DLGAP2: variants seen among roughly 807,000 people sequenced by gnomAD.
DLGAP2 encodes disks large-associated protein 2.
A neutral mutation model predicts 100.3 loss-of-function variants in DLGAP2; 26 were observed. The observed-to-expected ratio is 0.26, with a 90% CI of 0.19 to 0.36. The LOEUF (loss-of-function observed/expected upper bound fraction) is 0.36, where lower values mean the gene tolerates loss of function less well. DLGAP2 is among the 10% of genes least tolerant of loss of function. The pLI, the probability that DLGAP2 is intolerant of heterozygous loss-of-function variation, is 1.00. For missense variants in DLGAP2, 1,858 were observed against 1,453.2 expected (o/e 1.28, Z -4.53); for synonymous variants, 886 against 630.1 (o/e 1.41, Z -6.08).
chr8:1,311,981 T>C (rs1354371757), intron 3 of DLGAP2, among the ~76,000 whole-genome samples: 2 of 152,212 alleles, frequency 1.3e-5, no homozygotes, highest in African/African-American at 2.4e-5. Flanking sequence ...CTCTCAGTAA[T>C]TGACAGATCC....
intron 2 of DLGAP2, among the ~76,000 whole-genome samples, chr8:977,737 T>C (rs1173759083): frequency 6.9e-6 from 1 of 144,648 alleles, no homozygotes; most frequent in Non-Finnish European, 1.6e-5. Flanking sequence ...GCGTCGGGGA[T>C]GCAGTGAGGG....
rs188857590 is a variant in DLGAP2 at position 1,568,090 on chromosome 8, G to A, written c.1442+2196G>A. On this transcript the variant is annotated intron_variant, in intron 6 of 14. Transcript: ENST00000637795. ...CTGCCCACTCAGCAGACACAAATCC[G>A]TCTCTGCCTGTGGCCCCCATGCCAC... Among the ~76,000 whole-genome samples, 153 of 116,586 alleles carry A rather than the reference G, an allele frequency of 1.3e-3. No homozygotes were observed. In the Middle Eastern group the frequency reaches 0.021, roughly 16 times the overall value. 76.5% of individuals were successfully genotyped at this position (116,586 alleles called of 152,430 possible).
intron 4 of DLGAP2, among the ~76,000 whole-genome samples, chr8:1,517,004 G>A (rs1800416018): frequency 6.6e-6 from 1 of 152,120 alleles, no homozygotes; most frequent in Non-Finnish European, 1.5e-5. Context: ...AACAGCCCCA[G>A]GGTGCAGAGG....
intron 1 of DLGAP2, among the ~76,000 whole-genome samples, chr8:769,966 C>A (rs113397586): frequency 0.011 from 1,666 of 152,258 alleles, 22 homozygotes; most frequent in African/African-American, 0.039. Context: ...TGCAGCTCTA[C>A]ACAGGAGGGT....
chr8:1,545,635 T>C (rs775631728), intron 4 of DLGAP2, among the ~76,000 whole-genome samples: 7 of 152,260 alleles, frequency 4.6e-5, no homozygotes, highest in Non-Finnish European at 7.3e-5. Flanking sequence ...TAGTGCTCGT[T>C]ACATGTTCTA....
At chr8:1,657,246 T>C (rs1798305450) in intron 8 of DLGAP2, among the ~76,000 whole-genome samples, 1 of 152,262 alleles carries the variant, frequency 6.6e-6, no homozygotes, top group South Asian at 2.1e-4. Context: ...TGATTCATCT[T>C]CTTTTTAAGG....
intron 8 of DLGAP2, among the ~76,000 whole-genome samples, chr8:1,657,948 G>C (rs1301569488): frequency 6.6e-6 from 1 of 152,142 alleles, no homozygotes; most frequent in Admixed American, 6.5e-5. Flanking sequence ...AGAAGTGAGA[G>C]AGAAAAGACT....
At chr8:958,110 GT>G (rs1799636697) in intron 2 of DLGAP2, among the ~76,000 whole-genome samples, 1 of 152,096 alleles carries the variant, frequency 6.6e-6, no homozygotes, top group Non-Finnish European at 1.5e-5. Flanking sequence ...CATTCTAGAT[GT>G]TTCTCAAAAG....
At chr8:782,399 A>C (rs1331837195) in intron 1 of DLGAP2, among the ~76,000 whole-genome samples, 1 of 152,174 alleles carries the variant, frequency 6.6e-6, no homozygotes, top group Admixed American at 6.5e-5. Context: ...ATATTAATAC[A>C]TACTCTCTCA....
intron 8 of DLGAP2, among the ~76,000 whole-genome samples, chr8:1,638,437 TCA>T (rs1049202819): frequency 1.6e-4 from 24 of 152,078 alleles, no homozygotes; most frequent in Admixed American, 1.5e-3. Context: ...GGTCTGGGAC[TCA>T]CAGCCTCCAT....
intron 1 of DLGAP2, among the ~76,000 whole-genome samples, chr8:878,348 C>T (rs1797722988): frequency 6.6e-6 from 1 of 152,158 alleles, no homozygotes; most frequent in East Asian, 1.9e-4. Context: ...GAGAGGAACA[C>T]ACGGTAGGTT....
chr8:1,319,107 C>G (rs146044840), intron 3 of DLGAP2, among the ~76,000 whole-genome samples: 1 of 152,034 alleles, frequency 6.6e-6, no homozygotes, highest in Non-Finnish European at 1.5e-5. Flanking sequence ...CTGAGGTCTC[C>G]GAGGGCTGGA....
chr8:801,129 C>G (rs999112272), intron 1 of DLGAP2, among the ~76,000 whole-genome samples: 1 of 152,200 alleles, frequency 6.6e-6, no homozygotes, highest in Admixed American at 6.5e-5. Flanking sequence ...TTGATTAGAC[C>G]GAAGGCGTTG....
At chr8:1,335,183 G>A (rs1382050463) in intron 3 of DLGAP2, among the ~76,000 whole-genome samples, 1 of 152,144 alleles carries the variant, frequency 6.6e-6, no homozygotes, top group East Asian at 1.9e-4. Context: ...CAAAGCAGAG[G>A]TAGTGTGGCC....
At chr8:753,887 G>T (rs758685530) in intron 1 of DLGAP2, 3 of 152,244 alleles carry the variant, frequency 2.0e-5, no homozygotes, top group Non-Finnish European at 4.4e-5. Flanking sequence ...TGTCCGGGCG[G>T]CGCGGTGCGG....
rs372133770 is a variant in DLGAP2, at chr8:1,527,042, C to G, written c.173-21584C>G. Among the ~76,000 whole-genome samples the G allele has an allele frequency of 2.2e-4, 34 of 152,140 alleles. 1 individual carries two copies. The East Asian group carries it at 2.5e-3, about 11-fold the overall frequency. On this transcript the variant is annotated intron_variant, in intron 4 of 14. Coordinates refer to ENST00000637795, the MANE Select transcript of DLGAP2 (RefSeq NM_001346810.2). ...TACATTGCAGGCTCACGTTCACATGCCCTATCCAACCCTCTCCTGCGAGCA... is the reference window on the plus strand; with the variant it reads ...TACATTGCAGGCTCACGTTCACATGGCCTATCCAACCCTCTCCTGCGAGCA...
rs201086816 is a variant in DLGAP2, at chr8:1,617,817, T to TA, written c.1443-8918dup. Among the ~76,000 whole-genome samples, 481 of 152,330 alleles carry TA rather than the reference T, an allele frequency of 3.2e-3. 4 individuals carry two copies. Among genetic ancestry groups the TA allele is most frequent in the African/African-American group, 0.011 (447 of 41,572 alleles). On this transcript the variant is annotated intron_variant, in intron 6 of 14. Transcript: ENST00000637795. Reference sequence around the variant, plus strand: ...GCCAATACGAGCTAAAGCTCAATGTTAAAAATATTTGATTAACCCAAAAGA... The same window carrying TA: ...GCCAATACGAGCTAAAGCTCAATGTTAAAAAATATTTGATTAACCCAAAAGA...
chr8:950,639 T>TTTAGTA (rs749623000), intron 2 of DLGAP2, among the ~76,000 whole-genome samples: 1 of 140,764 alleles, frequency 7.1e-6, no homozygotes. Context: ...TTTTTTTTTT[T>TTTAGTA]GAGATGGAGT....
chr8:976,857 C>G (rs56867554), intron 2 of DLGAP2, among the ~76,000 whole-genome samples: 1 of 152,050 alleles, frequency 6.6e-6, no homozygotes, highest in Non-Finnish European at 1.5e-5. Context: ...GCATAAAATA[C>G]CTAGGTAACT....
Sources: allele counts gnomAD v4.1 joint callset (sites outside exome capture counted in the v4.1 genomes callset), GRCh38; gene constraint gnomAD v4.1.1; transcripts MANE v1.5; gene names NCBI Gene and HGNC (gene_info 2026-07-23, HGNC 2026-07-21).